Variants in GLI3 observed in about 807,000 individuals in gnomAD.
The protein encoded by GLI3 is transcription activator GLI3.
In GLI3, 20 loss-of-function variants were observed where a neutral mutation model predicts 100.8. The observed-to-expected ratio is 0.20, with a 90% CI of 0.14 to 0.29. The LOEUF is 0.29. Ranked by LOEUF, GLI3 falls within the 10% of genes least tolerant of loss-of-function variation. The pLI, the probability that GLI3 is intolerant of heterozygous loss-of-function variation, is 1.00. For synonymous variants in GLI3, 938 were observed against 860.5 expected, an observed-to-expected ratio of 1.09 and a Z score of -1.58; for missense variants, 2,040 against 2,128.5, an observed-to-expected ratio of 0.96 and a Z score of 0.82.
intron 3 of GLI3, among the ~76,000 whole-genome samples, chr7:42,104,048 G>A (rs969672903): frequency 3.3e-5 from 5 of 152,096 alleles, no homozygotes; most frequent in African/African-American, 9.7e-5. Flanking sequence ...GTATCTCTGA[G>A]GACGATGTGC....
intron 10 of GLI3, among the ~76,000 whole-genome samples, chr7:41,987,673 A>T (rs1187427129): frequency 6.6e-6 from 1 of 152,216 alleles, no homozygotes; most frequent in Admixed American, 6.5e-5. Flanking sequence ...ATACGCTAAC[A>T]TCAGTTCAAG....
intron 2 of GLI3, among the ~76,000 whole-genome samples, chr7:42,189,073 G>A (rs1200077245): frequency 1.3e-5 from 2 of 152,092 alleles, no homozygotes; most frequent in African/African-American, 4.8e-5. Context: ...TTGACAGTGG[G>A]GGAGGTTGTG....
At chr7:42,142,934 C>CAAAA (rs11287528) in intron 3 of GLI3, among the ~76,000 whole-genome samples, 7 of 76,920 alleles carry the variant, frequency 9.1e-5, no homozygotes, top group African/African-American at 2.1e-4. Context: ...ACTCTGTCTC[C>CAAAA]AAAAAAAAAA....
chr7:42,223,657 G>C (rs1261091212), intron 1 of GLI3, among the ~76,000 whole-genome samples: 1 of 152,184 alleles, frequency 6.6e-6, no homozygotes, highest in Non-Finnish European at 1.5e-5. Context: ...GTCTCTTCAG[G>C]TGGCCAACTT....
intron 1 of GLI3, among the ~76,000 whole-genome samples, chr7:42,229,437 GT>G (rs1788651753): frequency 6.6e-6 from 1 of 152,170 alleles, no homozygotes; most frequent in Non-Finnish European, 1.5e-5. Context: ...ATTCCGTGTA[GT>G]TTAGGGAACT....
At chr7:42,017,327 C>T (rs1309564309) in intron 10 of GLI3, among the ~76,000 whole-genome samples, 1 of 152,112 alleles carries the variant, frequency 6.6e-6, no homozygotes, top group African/African-American at 2.4e-5. Flanking sequence ...GGAAAATGTT[C>T]CCCAGATGTC....
rs539216344 is a variant in GLI3 at position 42,010,278 on chromosome 7, T to G, written c.1497+13190A>C. Among the ~76,000 whole-genome samples the G allele has an allele frequency of 1.9e-4, 29 of 152,316 alleles. 1 individual carries two copies. The highest frequency in any genetic ancestry group is 4.6e-4 in the Admixed American group (7 of 15,302). On this transcript the variant is annotated intron_variant, in intron 10 of 14. Coordinates refer to ENST00000395925, the MANE Select transcript of GLI3 (RefSeq NM_000168.6). Reference sequence around the variant, plus strand: ...TGGAGAAGCCTCATCTCTGCCTCTCTCCATGTGAGGCTGCGGCTTAAAGTG... The same window carrying G: ...TGGAGAAGCCTCATCTCTGCCTCTCGCCATGTGAGGCTGCGGCTTAAAGTG...
chr7:42,102,539 C>T (rs1053769654), intron 3 of GLI3, among the ~76,000 whole-genome samples: 1 of 152,226 alleles, frequency 6.6e-6, no homozygotes, highest in African/African-American at 2.4e-5. Context: ...AACCCAATAG[C>T]CCTGGCTGAT....
chr7:42,053,110 C>T (rs1365209736), intron 4 of GLI3, among the ~76,000 whole-genome samples: 1 of 152,208 alleles, frequency 6.6e-6, no homozygotes, highest in Non-Finnish European at 1.5e-5. Flanking sequence ...ATTCTCCTGT[C>T]TCAGCCTCCC....
At chr7:41,990,615 A>G (rs1267819409) in intron 10 of GLI3, among the ~76,000 whole-genome samples, 1 of 152,190 alleles carries the variant, frequency 6.6e-6, no homozygotes, top group African/African-American at 2.4e-5. Flanking sequence ...TTACAATAAA[A>G]TGTATTTGAA....
At chr7:42,240,666 C>A (rs757563707), upstream of GLI3, among the ~76,000 whole-genome samples, 1 of 152,128 alleles carries the variant, frequency 6.6e-6, no homozygotes, top group African/African-American at 2.4e-5. Context: ...AGAGACCCAC[C>A]CTACTCCAGA....
intron 3 of GLI3, among the ~76,000 whole-genome samples, chr7:42,089,071 T>G (rs1020344301): frequency 1.3e-5 from 2 of 152,208 alleles, no homozygotes; most frequent in Non-Finnish European, 1.5e-5. Context: ...AGGTATCTGA[T>G]GTCAATGATG....
At chr7:42,140,343 A>G (rs1031128602) in intron 3 of GLI3, among the ~76,000 whole-genome samples, 17 of 152,340 alleles carry the variant, frequency 1.1e-4, no homozygotes, top group Admixed American at 1.0e-3. Flanking sequence ...CAAATGCTCA[A>G]TTAATACATG....
At chr7:42,132,093 A>T (rs1258690393) in intron 3 of GLI3, among the ~76,000 whole-genome samples, 1 of 151,548 alleles carries the variant, frequency 6.6e-6, no homozygotes, top group East Asian at 1.9e-4. Context: ...TTATTTATTT[A>T]TTTATTCATT....
chr7:42,033,084 AG>A (rs1239408721), intron 7 of GLI3, among the ~76,000 whole-genome samples: 1 of 152,230 alleles, frequency 6.6e-6, no homozygotes, highest in East Asian at 1.9e-4. Context: ...TCAATGACCC[AG>A]CGCGGTGTGC....
chr7:42,043,262 C>T (rs1050159563), intron 6 of GLI3, among the ~76,000 whole-genome samples: 7 of 152,210 alleles, frequency 4.6e-5, no homozygotes, highest in Admixed American at 1.3e-4. Flanking sequence ...TTAATAAATG[C>T]TACTTCAATT....
intron 7 of GLI3, 79 bp downstream of exon 7, chr7:42,039,959 G>T: frequency 9.3e-7 from 1 of 1,076,148 alleles, no homozygotes; most frequent in Non-Finnish European, 1.4e-6. Flanking sequence ...AGTTGGTACT[G>T]AAAATGCATC....
At chr7:42,219,136 A>T (rs953849439) in intron 2 of GLI3, among the ~76,000 whole-genome samples, 4 of 152,262 alleles carry the variant, frequency 2.6e-5, no homozygotes, top group Non-Finnish European at 5.9e-5. Flanking sequence ...GGACTTGGAC[A>T]TTTTAAAGTC....
Position 41,978,579 on chromosome 7 carries a change from C to A in GLI3, c.1647+20G>T, listed in dbSNP as rs765371186. ...ATGGGGAAGGACCCAAGTGTGCCTG[C>A]CACCCACTTCTGTACTCACAGTGCA... On this transcript the variant is annotated intron_variant, in intron 11 of 14. Coordinates refer to ENST00000395925, the MANE Select transcript of GLI3 (RefSeq NM_000168.6). 3 of 1,612,098 alleles carry A rather than the reference C, an allele frequency of 1.9e-6. No homozygotes were observed. The highest frequency in any genetic ancestry group is 2.5e-6 in the Non-Finnish European group (3 of 1,178,274).
Sources: allele counts gnomAD v4.1 joint callset (sites outside exome capture counted in the v4.1 genomes callset), GRCh38; gene constraint gnomAD v4.1.1; transcripts MANE v1.5; gene names NCBI Gene and HGNC (gene_info 2026-07-23, HGNC 2026-07-21).